The following JPH3 variants were observed in gnomAD, a reference collection of about 807,000 sequenced individuals.
The protein encoded by JPH3 is junctophilin 3.
Under a neutral mutation model 59.6 loss-of-function variants are expected in JPH3, and 11 were observed. That is an observed-to-expected ratio of 0.18 (90% CI 0.12 to 0.31). The LOEUF (loss-of-function observed/expected upper bound fraction) is 0.31, where lower values mean the gene tolerates loss of function less well. Among genes scored for constraint, JPH3 ranks in the 10% least tolerant of loss-of-function variants. The pLI, the probability that JPH3 is intolerant of heterozygous loss-of-function variation, is 1.00. For synonymous variants in JPH3, 673 were observed against 483.6 expected, an observed-to-expected ratio of 1.39 and a Z score of -5.14; for missense variants, 1,202 against 1,105.7, an observed-to-expected ratio of 1.09 and a Z score of -1.24.
chr16:87,642,253 G>T (rs892304033), intron 1 of JPH3, among the ~76,000 whole-genome samples: 1 of 151,882 alleles, frequency 6.6e-6, no homozygotes. Flanking sequence ...GAAAGGGGGG[G>T]GGCAGTGGGG....
At chr16:87,671,479 G>A (rs905155813) in intron 2 of JPH3, among the ~76,000 whole-genome samples, 2 of 152,202 alleles carry the variant, frequency 1.3e-5, no homozygotes, top group Non-Finnish European at 2.9e-5. Context: ...GGTGGCGGCC[G>A]CTGTGCCTGC....
intron 1 of JPH3, among the ~76,000 whole-genome samples, chr16:87,626,849 T>C (rs1188477738): frequency 6.6e-6 from 1 of 152,142 alleles, no homozygotes; most frequent in East Asian, 1.9e-4. Flanking sequence ...TAAAAGATCA[T>C]GTAAATAGAG....
In JPH3 at chr16:87,696,642, T is replaced by G. The variant is rs749413500; in HGVS notation, c.2229T>G (p.Phe743Leu). The G allele has an allele frequency of 3.1e-6, 5 of 1,613,254 alleles. No individual in the cohort carries two copies. Among genetic ancestry groups the G allele is most frequent in the Non-Finnish European group, 4.2e-6 (5 of 1,179,702 alleles). Residue 743 changes from phenylalanine (F) to leucine (L), a missense_variant, in exon 5 of 5, where the codon TTT becomes TTG. Transcript: ENST00000284262. ...TCAACATCGGAGTCGCCATTCTGTT[T>G]ATTAACTTTTTCATCTGATGAGATG... ...ILLNIGVAILFINFFI is the reference protein window; with the variant it reads ...ILLNIGVAILLINFFI
chr16:87,683,354 G>T (rs1336968764), intron 2 of JPH3, among the ~76,000 whole-genome samples: 1 of 151,980 alleles, frequency 6.6e-6, no homozygotes, highest in African/African-American at 2.4e-5. Context: ...ACCCAGGCTG[G>T]AGTGCAATGG....
intron 2 of JPH3, among the ~76,000 whole-genome samples, chr16:87,664,643 C>G (rs1450993761): frequency 1.3e-5 from 2 of 152,140 alleles, no homozygotes; most frequent in Admixed American, 1.3e-4. Context: ...AGTAATAATT[C>G]GTCCGTCTCC....
intron 2 of JPH3, among the ~76,000 whole-genome samples, chr16:87,672,999 A>T (rs536914005): frequency 1.3e-5 from 2 of 152,004 alleles, no homozygotes; most frequent in Non-Finnish European, 2.9e-5. Flanking sequence ...ACAAAAAATT[A>T]CCTTTGCGTG....
At chr16:87,613,097 T>C (rs66647553) in intron 1 of JPH3, among the ~76,000 whole-genome samples, 4,015 of 56,200 alleles carry the variant, frequency 0.071, 114 homozygotes, top group African/African-American at 0.19. Flanking sequence ...TTCTTTCTCT[T>C]TTTTTTTTTT....
At chr16:87,674,332 C>CA (rs60257610) in intron 2 of JPH3, among the ~76,000 whole-genome samples, 51,000 of 150,146 alleles carry the variant, frequency 0.34, 8,833 homozygotes, top group Middle Eastern at 0.5. Flanking sequence ...GACTCCGTCT[C>CA]AAAAAAAAAC....
intron 2 of JPH3, among the ~76,000 whole-genome samples, chr16:87,675,754 G>A (rs1488482333): frequency 6.6e-6 from 1 of 152,124 alleles, no homozygotes; most frequent in Non-Finnish European, 1.5e-5. Flanking sequence ...GCAGGTGTGG[G>A]GTGCCTGCTG....
intron 2 of JPH3, among the ~76,000 whole-genome samples, chr16:87,646,759 C>T (rs1436776618): frequency 6.6e-6 from 1 of 152,088 alleles, no homozygotes; most frequent in Non-Finnish European, 1.5e-5. Flanking sequence ...CTCGTGGCAG[C>T]TTCCGTGTGA....
chr16:87,678,835 C>A (rs1314364969), intron 2 of JPH3, among the ~76,000 whole-genome samples: 1 of 152,222 alleles, frequency 6.6e-6, no homozygotes, highest in African/African-American at 2.4e-5. Context: ...GGGAGTAAGG[C>A]CACCACGAGC....
chr16:87,677,349 C>T (rs895052858), intron 2 of JPH3, among the ~76,000 whole-genome samples: 4 of 152,026 alleles, frequency 2.6e-5, no homozygotes, highest in Non-Finnish European at 5.9e-5. Flanking sequence ...TGCCACTGTA[C>T]TGCAGCCTGG....
At chr16:87,621,930 C>A (rs1077302) in intron 1 of JPH3, among the ~76,000 whole-genome samples, 18 of 151,968 alleles carry the variant, frequency 1.2e-4, no homozygotes, top group African/African-American at 4.4e-4. Flanking sequence ...GCCGCCCCTC[C>A]CCTTAGTCGA....
intron 1 of JPH3, among the ~76,000 whole-genome samples, chr16:87,623,725 C>G (rs1407995884): frequency 6.6e-6 from 1 of 152,162 alleles, no homozygotes; most frequent in South Asian, 2.1e-4. Flanking sequence ...CTGGTCCTGG[C>G]CCGAACACTC....
intron 2 of JPH3, among the ~76,000 whole-genome samples, chr16:87,673,367 C>T (rs1395925574): frequency 1.3e-5 from 2 of 151,824 alleles, no homozygotes; most frequent in Admixed American, 6.6e-5. Context: ...GGAAACAGAC[C>T]CCCTCGTGCT....
intron 1 of JPH3, among the ~76,000 whole-genome samples, chr16:87,618,294 A>G (rs1345340992): frequency 3.9e-5 from 6 of 152,232 alleles, no homozygotes; most frequent in Admixed American, 3.3e-4. Flanking sequence ...AGAAGTGGGC[A>G]GAGGAAGAGG....
chr16:87,605,336 C>G (rs2030479378), intron 1 of JPH3, among the ~76,000 whole-genome samples: 1 of 152,196 alleles, frequency 6.6e-6, no homozygotes, highest in South Asian at 2.1e-4. Context: ...TTCTTTCATT[C>G]AACAAATACT....
intron 2 of JPH3, among the ~76,000 whole-genome samples, chr16:87,655,548 C>T (rs1240206238): frequency 6.6e-6 from 1 of 152,160 alleles, no homozygotes; most frequent in African/African-American, 2.4e-5. Context: ...GAGATGGGGT[C>T]TCACTGTGTT....
intron 2 of JPH3, among the ~76,000 whole-genome samples, chr16:87,680,844 G>A (rs370749302): frequency 9.8e-5 from 15 of 152,340 alleles, no homozygotes; most frequent in South Asian, 8.3e-4. Context: ...TTTTATATAC[G>A]TGTGAACGTA....
Sources: gnomAD v4.1 joint callset for allele counts (sites outside exome capture counted in the v4.1 genomes callset) on GRCh38, gnomAD v4.1.1 for gene constraint, MANE v1.5 for transcripts, NCBI Gene and HGNC (gene_info 2026-07-23, HGNC 2026-07-21) for gene names.